CCDC73: variants seen among roughly 807,000 people sequenced by gnomAD.
CCDC73 encodes coiled-coil domain containing 73.
Under a neutral mutation model 116.5 loss-of-function variants are expected in CCDC73, and 95 were observed. The observed-to-expected ratio is 0.82, with a 90% CI of 0.69 to 0.97. CCDC73 has a LOEUF of 0.97. Among genes scored for constraint, CCDC73 ranks in the 50% least tolerant of loss-of-function variants. CCDC73 has a pLI of 0.00. For synonymous variants in CCDC73, 398 were observed against 401.3 expected (o/e 0.99, Z 0.10); for missense variants, 1,066 against 1,206.8 (o/e 0.88, Z 1.73).
intron 6 of CCDC73, among the ~76,000 whole-genome samples, chr11:32,692,024 G>A (rs562637601): frequency 1.4e-4 from 20 of 145,322 alleles, no homozygotes; most frequent in African/African-American, 5.2e-4. Context: ...CTCCAGCCTG[G>A]GCAACAGAGC....
chr11:32,754,013 T>C (rs920039489), intron 2 of CCDC73, among the ~76,000 whole-genome samples: 1 of 152,242 alleles, frequency 6.6e-6, no homozygotes, highest in African/African-American at 2.4e-5. Context: ...TTTTTAATGA[T>C]TTATTTATTC....
At chr11:32,673,643 T>A (rs1468555372) in intron 9 of CCDC73, among the ~76,000 whole-genome samples, 1 of 152,186 alleles carries the variant, frequency 6.6e-6, no homozygotes, top group Non-Finnish European at 1.5e-5. Context: ...CTGTACTGAA[T>A]CAACTAGCCT....
chr11:32,692,139 T>C (rs932934337), intron 6 of CCDC73, among the ~76,000 whole-genome samples: 2 of 152,038 alleles, frequency 1.3e-5, no homozygotes, highest in Admixed American at 1.3e-4. Context: ...TTTAGCTTTG[T>C]GTTTTACATT....
At chr11:32,727,731 C>A (rs1850040578) in intron 2 of CCDC73, among the ~76,000 whole-genome samples, 1 of 152,048 alleles carries the variant, frequency 6.6e-6, no homozygotes, top group Non-Finnish European at 1.5e-5. Context: ...ACCACCACGT[C>A]CGGCTAGTTT....
At chr11:32,762,710 G>C (rs899026940) in intron 1 of CCDC73, among the ~76,000 whole-genome samples, 3 of 152,162 alleles carry the variant, frequency 2.0e-5, no homozygotes, top group African/African-American at 7.2e-5. Context: ...GGTGATTTCT[G>C]CATTTCTAAC....
chr11:32,785,053 C>A (rs2133400924), intron 1 of CCDC73, among the ~76,000 whole-genome samples: 1 of 152,072 alleles, frequency 6.6e-6, no homozygotes, highest in East Asian at 1.9e-4. Flanking sequence ...GTAATCCCAG[C>A]TACTTGGGAG....
chr11:32,632,497 A>T (rs1855640488), intron 14 of CCDC73, among the ~76,000 whole-genome samples: 1 of 152,124 alleles, frequency 6.6e-6, no homozygotes, highest in South Asian at 2.1e-4. Flanking sequence ...AAGTGCTGGG[A>T]TTACAGGTGT....
chr11:32,725,130 T>C (rs1850020394), intron 2 of CCDC73, among the ~76,000 whole-genome samples: 1 of 151,930 alleles, frequency 6.6e-6, no homozygotes, highest in Non-Finnish European at 1.5e-5. Context: ...TTTTTTTTTT[T>C]AACTTTATAG....
At chr11:32,711,434 C>A (rs1849899174) in intron 3 of CCDC73, among the ~76,000 whole-genome samples, 1 of 152,128 alleles carries the variant, frequency 6.6e-6, no homozygotes, top group African/African-American at 2.4e-5. Flanking sequence ...ATATGGTATA[C>A]ACATACCACA....
chr11:32,709,234 T>C (rs558221824), intron 3 of CCDC73, among the ~76,000 whole-genome samples: 1 of 152,366 alleles, frequency 6.6e-6, no homozygotes, highest in East Asian at 1.9e-4. Context: ...AAACCATCTC[T>C]GCATTCCTTG....
chr11:32,774,657 A>T (rs1037682902), intron 1 of CCDC73, among the ~76,000 whole-genome samples: 2 of 152,182 alleles, frequency 1.3e-5, no homozygotes, highest in African/African-American at 2.4e-5. Context: ...CAGCAGAATT[A>T]AAAAAATAAA....
intron 14 of CCDC73, among the ~76,000 whole-genome samples, chr11:32,618,035 C>T (rs11031897): frequency 0.049 from 7,420 of 152,224 alleles, 215 homozygotes; most frequent in East Asian, 0.12. Context: ...CTTCTTCCCT[C>T]CCTACCTCTT....
chr11:32,680,956 A>C (rs2133292890), intron 7 of CCDC73: 1 of 152,058 alleles, frequency 6.6e-6, no homozygotes, highest in Admixed American at 6.5e-5. Context: ...TTAAAAACCT[A>C]AAGTCATGCT....
At chr11:32,806,556 G>A in the CCDC73 span, among the ~76,000 whole-genome samples, 9 of 151,470 alleles carry the variant, frequency 5.9e-5, no homozygotes, top group South Asian at 2.1e-4. Flanking sequence ...CCCAGGAGGC[G>A]GAGGTTGCAA....
chr11:32,793,314 A>C (rs1850692892), intron 1 of CCDC73, among the ~76,000 whole-genome samples: 1 of 152,334 alleles, frequency 6.6e-6, no homozygotes, highest in East Asian at 1.9e-4. Flanking sequence ...CTACAGAGGA[A>C]ACTCCATCCA....
At position 32,760,265 on chromosome 11, in the gene CCDC73, T is replaced by C. The variant is rs752044426; in HGVS notation, c.-15-7A>G. The C allele has an allele frequency of 1.8e-5, 26 of 1,475,538 alleles. No homozygotes were observed. In the South Asian group the frequency reaches 3.0e-4, roughly 17 times the overall value. 91.4% of individuals were successfully genotyped at this position (1,475,538 alleles called of 1,614,324 possible). ...CCATATTAATATTTATTTCCTGTAA[T>C]GTAAAAAGGTCTTAACTGAAAAAAA... On this transcript the variant is annotated splice_region_variant and splice_polypyrimidine_tract_variant and intron_variant, in intron 1 of 17. Coordinates refer to ENST00000335185, the MANE Select transcript of CCDC73 (RefSeq NM_001008391.4).
intron 2 of CCDC73, among the ~76,000 whole-genome samples, chr11:32,732,546 C>A (rs1357733964): frequency 6.6e-6 from 1 of 152,146 alleles, no homozygotes; most frequent in Non-Finnish European, 1.5e-5. Context: ...CAAAGGGAAG[C>A]CCATCAGACT....
At position 32,613,991 on chromosome 11, in the gene CCDC73, T is replaced by C. The variant is rs752298919; in HGVS notation, c.2327A>G (p.His776Arg). 1.7e-5 allele frequency: 28 copies of C among 1,611,068 alleles called. No individual in the cohort carries two copies. The African/African-American group carries it at 2.9e-4, about 17-fold the overall frequency. The part of the protein sequence containing the change: ...YLENTNVNIS[H>R]LHLNNENSHA... ...ACTATTCTCATTGTTAAGATGAAGA[T>C]GGGAAATGTTCACATTAGTGTTTTC... The change falls in exon 16 of 18, where the codon CAT becomes CGT. Residue 776 changes from histidine (H) to arginine (R), a missense_variant. By Grantham distance (29) the His-to-Arg change is conservative. Transcript: ENST00000335185.
intron 14 of CCDC73, among the ~76,000 whole-genome samples, chr11:32,627,780 T>A (rs1855589969): frequency 6.6e-6 from 1 of 151,906 alleles, no homozygotes; most frequent in South Asian, 2.1e-4. Context: ...TGAGAACACA[T>A]GGACACAGGA....
Sources: allele counts gnomAD v4.1 joint callset (sites outside exome capture counted in the v4.1 genomes callset), GRCh38; gene constraint gnomAD v4.1.1; transcripts MANE v1.5; gene names NCBI Gene and HGNC (gene_info 2026-07-23, HGNC 2026-07-21).